Variants in AMPD3 observed in about 807,000 individuals in gnomAD.
The protein encoded by AMPD3 is AMP deaminase 3.
Under a neutral mutation model 82.3 loss-of-function variants are expected in AMPD3, and 57 were observed. The observed-to-expected ratio is 0.69, with a 90% CI of 0.56 to 0.86. The LOEUF (loss-of-function observed/expected upper bound fraction) is 0.86, where lower values mean the gene tolerates loss of function less well. AMPD3 is among the 40% of genes least tolerant of loss of function. AMPD3 has a pLI of 0.00. For missense variants in AMPD3, 870 were observed against 1,003.8 expected, an observed-to-expected ratio of 0.87 and a Z score of 1.80; for synonymous variants, 381 against 394.7, an observed-to-expected ratio of 0.97 and a Z score of 0.41.
rs1198337316 is a variant in AMPD3, at chr11:10,461,471, G to A, written c.-5-44G>A. On this transcript the variant is annotated intron_variant, in intron 1 of 14. Coordinates refer to ENST00000396553, the MANE Select transcript of AMPD3 (RefSeq NM_001025389.2). ...GTGCCTTCTCTTCCCCGGTGCTGGT[G>A]ACTCAGGGCATCCTGCAATTCATGC... 1.9e-6 allele frequency: 3 copies of A among 1,613,374 alleles called. No homozygotes were observed. In the South Asian group the frequency reaches 3.3e-5, roughly 18 times the overall value.
At chr11:10,477,269 G>A (rs1055676248) in intron 2 of AMPD3, among the ~76,000 whole-genome samples, 2 of 152,216 alleles carry the variant, frequency 1.3e-5, no homozygotes, top group Non-Finnish European at 2.9e-5. Context: ...GTCCTTGCTG[G>A]TGGCTGTGGT....
chr11:10,473,129 G>A (rs1009812743), intron 2 of AMPD3, among the ~76,000 whole-genome samples: 3 of 152,182 alleles, frequency 2.0e-5, no homozygotes, highest in African/African-American at 7.2e-5. Context: ...AATTAGCTGG[G>A]CATGGTGGTG....
At chr11:10,504,486 A>G in intron 13 of AMPD3, 63 bp from the exon 14 acceptor site, 1 of 1,493,356 alleles carries the variant, frequency 6.7e-7, no homozygotes, top group Middle Eastern at 1.7e-4. Flanking sequence ...AGCTTTGGAC[A>G]TGTGTGAACG....
At chr11:10,497,505 GA>G in intron 10 of AMPD3, 1 of 910,456 alleles carries the variant, frequency 1.1e-6, no homozygotes, top group Non-Finnish European at 1.3e-6. Context: ...GCCTGGGATC[GA>G]GGGGGTATCA....
intron 6 of AMPD3, among the ~76,000 whole-genome samples, chr11:10,489,387 CTG>C (rs973184819): frequency 7.9e-5 from 12 of 152,230 alleles, no homozygotes; most frequent in African/African-American, 2.7e-4. Context: ...GGCACTGACA[CTG>C]TTTTCTTCTA....
chr11:10,465,199 G>T (rs1848384095), intron 2 of AMPD3, among the ~76,000 whole-genome samples: 1 of 152,170 alleles, frequency 6.6e-6, no homozygotes, highest in African/African-American at 2.4e-5. Context: ...AGTGAGAGAG[G>T]AAACAAAATA....
At position 10,501,544 on chromosome 11, in the gene AMPD3, C is replaced by T. The variant is rs764436315; in HGVS notation, c.1796C>T (p.Ala599Val). Residue 599 changes from alanine (A) to valine (V), a missense_variant, in exon 12 of 15, where the codon GCC becomes GTC. Physicochemically the swap from Ala to Val is moderately conservative, Grantham distance 64. Transcript: ENST00000396553. ...EAGSITHLVS[A>V]FLTADNISHG... ...GGCTCCATCACCCACCTGGTGTCTGCCTTCCTCACTGCTGACAACATTTCC... is the reference window on the plus strand; with the variant it reads ...GGCTCCATCACCCACCTGGTGTCTGTCTTCCTCACTGCTGACAACATTTCC... 3 of 1,614,168 alleles carry T rather than the reference C, an allele frequency of 1.9e-6. No homozygotes were observed. The highest frequency in any genetic ancestry group is 3.3e-5 in the Admixed American group (2 of 60,010).
At chr11:10,490,782 T>C (rs186655571) in intron 6 of AMPD3, among the ~76,000 whole-genome samples, 188 of 152,278 alleles carry the variant, frequency 1.2e-3, no homozygotes, top group African/African-American at 4.4e-3. Context: ...GCTGAGGTCA[T>C]TGTACCAAGC....
chr11:10,489,622 T>C (rs1427458632), intron 6 of AMPD3, among the ~76,000 whole-genome samples: 3 of 152,010 alleles, frequency 2.0e-5, no homozygotes, highest in Non-Finnish European at 4.4e-5. Context: ...TGGGCGCAGG[T>C]CTGCTATGAG....
upstream of AMPD3, among the ~76,000 whole-genome samples, chr11:10,451,914 CAG>C (rs201002487): frequency 1.3e-3 from 205 of 152,306 alleles, 2 homozygotes; most frequent in East Asian, 0.031. Flanking sequence ...GCCAGACAGA[CAG>C]AGCCTCTGTC....
chr11:10,456,327 TG>T lies in AMPD3; in HGVS notation c.-6+882del. 6.2e-7 allele frequency: 1 copy of T among 1,612,412 alleles called. No individual in the cohort carries two copies. The highest frequency in any genetic ancestry group is 1.1e-5 in the South Asian group (1 of 90,972). On this transcript the variant is annotated intron_variant, in intron 1 of 14. Coordinates refer to ENST00000396553, the MANE Select transcript of AMPD3 (RefSeq NM_001025389.2). This position sits in a 1 kb window ranked among gnomAD's most constrained non-coding sequence, Gnocchi z 4.3. ...CACGCACTGACTCAGCTGAGCCTCC[TG>T]GGTGGCAGGCAGCACCTCACCCGGG...
intron 2 of AMPD3, among the ~76,000 whole-genome samples, chr11:10,465,914 G>A (rs1848408199): frequency 6.6e-6 from 1 of 151,988 alleles, no homozygotes; most frequent in African/African-American, 2.4e-5. Context: ...CTAAAGCCAG[G>A]GAGCCAAGTG....
At chr11:10,499,984 C>T (rs770104775) in intron 10 of AMPD3, 102 bp from the exon 11 acceptor site, 10 of 1,557,848 alleles carry the variant, frequency 6.4e-6, no homozygotes, top group South Asian at 1.2e-5. Flanking sequence ...ACCTGAGGGG[C>T]CCAGACCCAC....
chr11:10,500,266 C>T lies in AMPD3; in HGVS notation c.1721+17C>T, dbSNP rs527306573. The T allele has an allele frequency of 6.2e-7, 1 of 1,614,060 alleles. No individual in the cohort carries two copies. Among genetic ancestry groups the T allele is most frequent in the African/African-American group, 1.3e-5 (1 of 75,054 alleles). On this transcript the variant is annotated intron_variant, in intron 11 of 14. Coordinates refer to ENST00000396553, the MANE Select transcript of AMPD3 (RefSeq NM_001025389.2). The stretch of plus-strand genomic sequence containing the variant: ...CCTCCGCAGGTGCGTGAGGCCTGCC[C>T]TCGCACATGCTTGGGTTCATGTGTT...
intron 2 of AMPD3, among the ~76,000 whole-genome samples, chr11:10,474,692 A>G (rs1162497618): frequency 2.0e-5 from 3 of 152,192 alleles, no homozygotes; most frequent in African/African-American, 4.8e-5. Context: ...GGATAAATCT[A>G]TTTCAGGGAT....
At chr11:10,463,098 G>A (rs1848319056) in intron 2 of AMPD3, among the ~76,000 whole-genome samples, 1 of 152,074 alleles carries the variant, frequency 6.6e-6, no homozygotes, top group South Asian at 2.1e-4. Context: ...CCGGTACCCT[G>A]CAAACATCAA....
At chr11:10,451,136 C>T (rs1483792896), upstream of AMPD3, 1 of 1,513,526 alleles carries the variant, frequency 6.6e-7, no homozygotes. Flanking sequence ...GGGTCTGAAC[C>T]GCGGCTTCCG....
intron 2 of AMPD3, among the ~76,000 whole-genome samples, chr11:10,469,870 C>G (rs887699249): frequency 1.3e-5 from 2 of 151,908 alleles, no homozygotes; most frequent in African/African-American, 4.8e-5. Context: ...GAAACCCCGT[C>G]TCTACTAAAA....
intron 6 of AMPD3, among the ~76,000 whole-genome samples, chr11:10,489,329 T>C (rs1194159121): frequency 6.6e-6 from 1 of 152,224 alleles, no homozygotes; most frequent in African/African-American, 2.4e-5. Context: ...GCTCTGGGCT[T>C]ACCTGCTTCC....
Sources: gnomAD v4.1 joint callset for allele counts (sites outside exome capture counted in the v4.1 genomes callset) on GRCh38, gnomAD v4.1.1 for gene constraint, Gnocchi (gnomAD v3.1) non-coding constraint, MANE v1.5 for transcripts, NCBI Gene and HGNC (gene_info 2026-07-23, HGNC 2026-07-21) for gene names.